The following SLFN14 variants were observed in gnomAD, a reference collection of about 807,000 sequenced individuals.
The protein encoded by SLFN14 is schlafen family member 14, also known as protein SLFN14.
A neutral mutation model predicts 58.6 loss-of-function variants in SLFN14; 47 were observed. The observed-to-expected ratio is 0.80, with a 90% CI of 0.64 to 1.02. SLFN14 has a LOEUF of 1.02. Ranked by LOEUF, SLFN14 falls within the 50% of genes least tolerant of loss-of-function variation. SLFN14 has a pLI of 0.00. For missense variants in SLFN14, 967 were observed against 1,078.4 expected (o/e 0.90, Z 1.45); for synonymous variants, 390 against 387.3 (o/e 1.01, Z -0.08).
chr17:35,555,637 A>T (rs2072645673), intron 3 of SLFN14, among the ~76,000 whole-genome samples: 1 of 152,028 alleles, frequency 6.6e-6, no homozygotes, highest in African/African-American at 2.4e-5. Context: ...TTTAGGGGAG[A>T]GGAGAAGAGA....
intron 1 of SLFN14, among the ~76,000 whole-genome samples, chr17:35,560,358 G>A (rs2072688501): frequency 1.3e-5 from 2 of 151,828 alleles, no homozygotes; most frequent in Non-Finnish European, 2.9e-5. Flanking sequence ...ACAGAGTTTT[G>A]CTCTGTGCCC....
At chr17:35,553,644 T>A (rs980634345) in intron 4 of SLFN14, among the ~76,000 whole-genome samples, 200 bp from the exon 5 acceptor site, 2 of 152,114 alleles carry the variant, frequency 1.3e-5, no homozygotes, top group Non-Finnish European at 2.9e-5. Context: ...TCTGGAAAAT[T>A]TTTTCTTTTT....
In SLFN14 at chr17:35,547,850, G is replaced by A. The variant is rs1320725493; in HGVS notation, c.*389C>T. 6.6e-6 allele frequency among the ~76,000 whole-genome samples: 1 copy of A among 152,130 alleles called. No homozygotes were observed. Among genetic ancestry groups the A allele is most frequent in the East Asian group, 1.9e-4 (1 of 5,204 alleles). Reference sequence around the variant, plus strand: ...GGATGTGGTTGGGAGAGCAAGTCAGGGCATATTAATGAAAGCCTTGAAAAT... The same window carrying A: ...GGATGTGGTTGGGAGAGCAAGTCAGAGCATATTAATGAAAGCCTTGAAAAT... On this transcript the variant is annotated 3_prime_UTR_variant, in exon 6 of 6. Coordinates refer to ENST00000674182, the MANE Select transcript of SLFN14 (RefSeq NM_001129820.2).
Position 35,548,264 on chromosome 17 carries a change from A to G in SLFN14, c.2714T>C (p.Leu905Pro). 1 of 1,551,404 alleles carries G rather than the reference A, an allele frequency of 6.4e-7. No homozygotes were observed. Among genetic ancestry groups the G allele is most frequent in the South Asian group, 1.2e-5 (1 of 84,058 alleles). ...ASRAIKHLYL[L>P]YEKRAAY is the part of the protein sequence containing the mutation. ...TCAGTAGGCTGCCCTCTTTTCATAAAGCAGGTAGAGGTGTTTAATGGCTCT... is the reference window on the plus strand; with the variant it reads ...TCAGTAGGCTGCCCTCTTTTCATAAGGCAGGTAGAGGTGTTTAATGGCTCT... Residue 905 changes from leucine (L) to proline (P), a missense_variant, in exon 6 of 6, where the codon CTT (leucine) becomes CCT (proline). Coordinates refer to ENST00000674182, the MANE Select transcript of SLFN14 (RefSeq NM_001129820.2).
Position 35,546,946 on chromosome 17 carries a change from G to C in SLFN14, c.*1293C>G, listed in dbSNP as rs997160125. On this transcript the variant is annotated 3_prime_UTR_variant, in exon 6 of 6. Coordinates refer to ENST00000674182, the MANE Select transcript of SLFN14 (RefSeq NM_001129820.2). ...AGGATCCCCATAAACTCTGAGAGTT[G>C]GATTTAAAAATTAGCACCAAGTCAT... is the stretch of plus-strand genomic sequence containing the variant. Among the ~76,000 whole-genome samples the C allele has an allele frequency of 6.6e-6, 1 of 152,150 alleles. No individual in the cohort carries two copies. The highest frequency in any genetic ancestry group is 2.4e-5 in the African/African-American group (1 of 41,424).
chr17:35,547,159 A>G lies in SLFN14; in HGVS notation c.*1080T>C, dbSNP rs2072540552. Among the ~76,000 whole-genome samples the G allele has an allele frequency of 6.6e-6, 1 of 152,152 alleles. No individual in the cohort carries two copies. Among genetic ancestry groups the G allele is most frequent in the South Asian group, 2.1e-4 (1 of 4,824 alleles). On this transcript the variant is annotated 3_prime_UTR_variant, in exon 6 of 6. Coordinates refer to ENST00000674182, the MANE Select transcript of SLFN14 (RefSeq NM_001129820.2). ...GGTGGTGAACCTGGAAATTTTAGAA[A>G]CCAAGACAGAGAAAAAAAAATTCAT... is the stretch of plus-strand genomic sequence containing the variant.
chr17:35,557,797 G>A lies in SLFN14; in HGVS notation c.266C>T (p.Pro89Leu), dbSNP rs1441711119. 2.6e-6 allele frequency: 4 copies of A among 1,551,726 alleles called. No individual in the cohort carries two copies. Among genetic ancestry groups the A allele is most frequent in the Non-Finnish European group, 3.5e-6 (4 of 1,146,984 alleles). Residue 89 changes from proline (P) to leucine (L), a missense_variant, in exon 3 of 6, where the codon CCT becomes CTT. Transcript: ENST00000674182. Reference sequence around the variant, plus strand: ...GTCAAGGTATTTCTGTGAACCTGAAGGAAGGAGCTTTTGAAAAGAAGTTTC... The same window carrying A: ...GTCAAGGTATTTCTGTGAACCTGAAAGAAGGAGCTTTTGAAAAGAAGTTTC... ...DLETSFQKLLPSGSQKYLDYM... is the reference protein window; with the variant it reads ...DLETSFQKLLLSGSQKYLDYM...
At chr17:35,550,391 C>CA (rs1306931241) in intron 5 of SLFN14, among the ~76,000 whole-genome samples, 1 of 152,102 alleles carries the variant, frequency 6.6e-6, no homozygotes, top group Non-Finnish European at 1.5e-5. Context: ...ACTAAAAATA[C>CA]AAAAATTAGC....
chr17:35,553,342 C>G lies in SLFN14; in HGVS notation c.1292G>C (p.Cys431Ser), dbSNP rs2072615756. The G allele has an allele frequency of 6.4e-7, 1 of 1,551,478 alleles. No individual in the cohort carries two copies. The highest frequency in any genetic ancestry group is 1.4e-5 in the African/African-American group (1 of 73,022). Reference sequence around the variant, plus strand: ...AGAAAATATCACAATCCCCTGAGAACAAGGATGTATCAGGGTCTTCATTAA... The same window carrying G: ...AGAAAATATCACAATCCCCTGAGAAGAAGGATGTATCAGGGTCTTCATTAA... ...EGLMKTLIHP[C>S]SQGIVIFSRS... is the part of the protein sequence containing the mutation. The change falls in exon 5 of 6, where the codon TGT (cysteine) becomes TCT (serine). Residue 431 changes from cysteine to serine, a missense_variant. Physicochemically the swap from Cys to Ser is moderately radical, Grantham distance 112. Coordinates refer to ENST00000674182, the MANE Select transcript of SLFN14 (RefSeq NM_001129820.2).
Position 35,554,662 on chromosome 17 carries a change from G to A in SLFN14, c.1103C>T (p.Ser368Leu). 1 of 1,490,736 alleles carries A rather than the reference G, an allele frequency of 6.7e-7. No individual in the cohort carries two copies. Among genetic ancestry groups the A allele is most frequent in the Non-Finnish European group, 9.0e-7 (1 of 1,113,310 alleles). The allele number at this position is 1,490,736 out of a possible 1,614,324, so 92.3% of individuals were successfully genotyped here. The change falls in exon 4 of 6, where the codon TCA becomes TTA. Residue 368 changes from serine (S) to leucine (L), a missense_variant. By Grantham distance (145) the Ser-to-Leu change is moderately radical. Transcript: ENST00000674182. Reference protein sequence around the residue: ...LVTDYNSCLISSASSARKSPG... With the variant: ...LVTDYNSCLILSASSARKSPG... ...ACTTTTTCGTGCAGATGAAGCTGATGAAATCAGGCAAGAGTTGTAGTCTGT... is the reference window on the plus strand; with the variant it reads ...ACTTTTTCGTGCAGATGAAGCTGATAAAATCAGGCAAGAGTTGTAGTCTGT...
chr17:35,546,198 T>A lies in SLFN14; in HGVS notation c.*2041A>T, dbSNP rs1368567965. Among the ~76,000 whole-genome samples the A allele has an allele frequency of 6.6e-6, 1 of 152,250 alleles. No individual in the cohort carries two copies. The highest frequency in any genetic ancestry group is 2.4e-5 in the African/African-American group (1 of 41,480). On this transcript the variant is annotated 3_prime_UTR_variant, in exon 6 of 6. Coordinates refer to ENST00000674182, the MANE Select transcript of SLFN14 (RefSeq NM_001129820.2). ...GTTTAAATTATTTTTATAGAATTCATACATCTCCCTACATCAGAATGTCAA... is the reference window on the plus strand; with the variant it reads ...GTTTAAATTATTTTTATAGAATTCAAACATCTCCCTACATCAGAATGTCAA...
rs321607 is a variant in SLFN14, at chr17:35,553,565, A to G, written c.1190-121T>C. On this transcript the variant is annotated intron_variant, in intron 4 of 5. Coordinates refer to ENST00000674182, the MANE Select transcript of SLFN14 (RefSeq NM_001129820.2). ...GGGAAAATAAGAGCTTTCCTTTAGA[A>G]TTGTGATTCTTAATCAGGAGCAGTT... 424,081 of 797,732 alleles carry G rather than the reference A, an allele frequency of 0.53. 113,581 individuals are homozygous for G. Among genetic ancestry groups the G allele is most frequent in the Admixed American group, 0.55 (18,478 of 33,712 alleles). 49.4% of individuals were successfully genotyped at this position (797,732 alleles called of 1,614,324 possible). A position where few individuals can be genotyped will look rare whatever the true frequency, so the allele number is the denominator to read the frequency against.
Position 35,548,324 on chromosome 17 carries a change from T to C in SLFN14, c.2654A>G (p.Gln885Arg). The C allele has an allele frequency of 6.4e-7, 1 of 1,551,734 alleles. No homozygotes were observed. The highest frequency in any genetic ancestry group is 8.7e-7 in the Non-Finnish European group (1 of 1,146,982). The change falls in exon 6 of 6, where the codon CAG (glutamine) becomes CGG (arginine). Residue 885 changes from glutamine to arginine, a missense_variant. Gln to Arg is a conservative substitution (Grantham distance 43). Coordinates refer to ENST00000674182, the MANE Select transcript of SLFN14 (RefSeq NM_001129820.2). ...GCAGAGCTTATGAAATTCCTCTGACTGGTCACATTCTGGACTAAGCCCAAA... is the reference window on the plus strand; with the variant it reads ...GCAGAGCTTATGAAATTCCTCTGACCGGTCACATTCTGGACTAAGCCCAAA... ...VVFGLSPECD[Q>R]SEEFHKLCFA... is the part of the protein sequence containing the mutation.
chr17:35,552,676 A>G (rs2072606129), intron 5 of SLFN14, 54 bp downstream of exon 5: 1 of 1,007,774 alleles, frequency 9.9e-7, no homozygotes, highest in South Asian at 1.7e-5. Flanking sequence ...ATATATACAC[A>G]TATATATATA....
chr17:35,552,983 C>A lies in SLFN14; in HGVS notation c.1651G>T (p.Val551Phe), dbSNP rs1430754873. Residue 551 changes from valine (V) to phenylalanine (F), a missense_variant, in exon 5 of 6, where the codon GTC becomes TTC. Physicochemically the swap from Val to Phe is conservative, Grantham distance 50. Transcript: ENST00000674182. Reference protein sequence around the residue: ...MEDLLQALVVVSLSSRSLLSD... With the variant: ...MEDLLQALVVFSLSSRSLLSD... ...AGAAGAGATCTGGAGGACAGGGAGA[C>A]CACCACCAGAGCCTGCAGCAAGTCT... The A allele has an allele frequency of 1.3e-6, 2 of 1,551,552 alleles. No individual in the cohort carries two copies. Among genetic ancestry groups the A allele is most frequent in the South Asian group, 2.4e-5 (2 of 84,054 alleles).
Position 35,554,655 on chromosome 17 carries a change from A to G in SLFN14, c.1110T>C (p.Ala370=). The change falls in exon 4 of 6, where the codon GCT becomes GCC. Residue 370 remains alanine (A), a synonymous_variant. Transcript: ENST00000674182. The part of the protein sequence containing the change: ...TDYNSCLISS[A]SSARKSPGYP... ...ATCCGGGACTTTTTCGTGCAGATGA[A>G]GCTGATGAAATCAGGCAAGAGTTGT... The G allele has an allele frequency of 6.7e-7, 1 of 1,503,410 alleles. No homozygotes were observed. The highest frequency in any genetic ancestry group is 8.9e-7 in the Non-Finnish European group (1 of 1,120,366). The allele number at this position is 1,503,410 out of a possible 1,614,324, so 93.1% of individuals were successfully genotyped here.
intron 3 of SLFN14, among the ~76,000 whole-genome samples, chr17:35,555,329 G>A (rs1289227127): frequency 1.3e-5 from 2 of 150,934 alleles, no homozygotes; most frequent in African/African-American, 4.9e-5. Flanking sequence ...CCGAGATAGC[G>A]CCACTGCACT....
At position 35,544,268 on chromosome 17, in the gene SLFN14, TG is replaced by T. The variant is rs1333254255; in HGVS notation, c.*3970del. On this transcript the variant is annotated 3_prime_UTR_variant, in exon 6 of 6. Coordinates refer to ENST00000674182, the MANE Select transcript of SLFN14 (RefSeq NM_001129820.2). ...CATGACCAAGGCCACATTACAGGGG[TG>T]GAAAATATCTCTACCTCTAATGTTA... 6.6e-6 allele frequency among the ~76,000 whole-genome samples: 1 copy of T among 151,980 alleles called. No individual in the cohort carries two copies. Among genetic ancestry groups the T allele is most frequent in the Non-Finnish European group, 1.5e-5 (1 of 68,004 alleles).
chr17:35,555,661 AAATT>A (rs1266943377), intron 3 of SLFN14, among the ~76,000 whole-genome samples: 2 of 152,214 alleles, frequency 1.3e-5, no homozygotes, highest in Non-Finnish European at 2.9e-5. Flanking sequence ...GAACTCAAAC[AAATT>A]AAGAGAAAGA....
Sources: gnomAD v4.1 joint callset for allele counts (sites outside exome capture counted in the v4.1 genomes callset) on GRCh38, gnomAD v4.1.1 for gene constraint, MANE v1.5 for transcripts, NCBI Gene and HGNC (gene_info 2026-07-23, HGNC 2026-07-21) for gene names.